The following TUBA1C variants were observed in gnomAD, a reference collection of about 807,000 sequenced individuals.
TUBA1C encodes tubulin alpha-1C chain.
A neutral mutation model predicts 34.9 loss-of-function variants in TUBA1C; 16 were observed. The observed-to-expected ratio is 0.46, with a 90% CI of 0.31 to 0.70. The LOEUF (loss-of-function observed/expected upper bound fraction) is 0.70, where lower values mean the gene tolerates loss of function less well. Ranked by LOEUF, TUBA1C falls within the 30% of genes least tolerant of loss-of-function variation. The pLI is 0.05. For synonymous variants in TUBA1C, 177 were observed against 215.9 expected (o/e 0.82, Z 1.58); for missense variants, 329 against 587.3 (o/e 0.56, Z 4.55).
At chr12:49,235,903 TCCACCGGCCCA>T (rs995775735) in intron 1 of TUBA1C, among the ~76,000 whole-genome samples, 3 of 152,278 alleles carry the variant, frequency 2.0e-5, no homozygotes, top group African/African-American at 7.2e-5. Flanking sequence ...TTTAATTTCC[TCCACCGGCCCA>T]CGGGCACAGG....
At chr12:49,252,775 T>C (rs914114664) in intron 1 of TUBA1C, among the ~76,000 whole-genome samples, 2 of 152,154 alleles carry the variant, frequency 1.3e-5, no homozygotes, top group East Asian at 1.9e-4. Flanking sequence ...TAGCCAGGCA[T>C]GGTGGCGGGC....
chr12:49,256,922 G>A (rs1232648951), intron 1 of TUBA1C, among the ~76,000 whole-genome samples: 2 of 152,152 alleles, frequency 1.3e-5, no homozygotes, highest in Non-Finnish European at 2.9e-5. Context: ...GTTCACGCCT[G>A]TAATCCTAAC....
intron 1 of TUBA1C, among the ~76,000 whole-genome samples, chr12:49,231,682 TGATAGATA>T (rs202021700): frequency 2.0e-5 from 3 of 151,652 alleles, no homozygotes; most frequent in Non-Finnish European, 4.4e-5. Flanking sequence ...AAAAAATAGA[TGATAGATA>T]GATAGATAGA....
At chr12:49,261,909 T>C (rs544683700), upstream of TUBA1C, among the ~76,000 whole-genome samples, 124 of 152,290 alleles carry the variant, frequency 8.1e-4, 3 homozygotes, top group South Asian at 0.025. Flanking sequence ...TAATTATTTA[T>C]CTAATGTTCT....
chr12:49,245,196 G>A (rs1043978297), intron 1 of TUBA1C, among the ~76,000 whole-genome samples: 1 of 152,092 alleles, frequency 6.6e-6, no homozygotes, highest in South Asian at 2.1e-4. Flanking sequence ...TCCAGCTATG[G>A]CAGTGTGAAG....
upstream of TUBA1C, among the ~76,000 whole-genome samples, chr12:49,263,152 T>C (rs11168942): frequency 0.018 from 2,788 of 151,710 alleles, 76 homozygotes; most frequent in East Asian, 0.064. Context: ...TCCCGAGTAG[T>C]TGGGATTACA....
chr12:49,235,264 A>AG (rs1012632656), intron 1 of TUBA1C, among the ~76,000 whole-genome samples: 3 of 151,978 alleles, frequency 2.0e-5, no homozygotes, highest in Non-Finnish European at 4.4e-5. Context: ...AAAAAAAAAA[A>AG]AAATTCCCCT....
rs1943024565 is a variant in TUBA1C, at chr12:49,273,543, AC to A, written c.*318del. On this transcript the variant is annotated 3_prime_UTR_variant, in exon 4 of 4. Transcript: ENST00000301072. ...TAGCTGGGGACTGCAGGTGCACACC[AC>A]CATGCCCAGCTATTTTTATTTCTTG... The A allele has an allele frequency of 4.9e-6, 2 of 408,832 alleles. No homozygotes were observed. Among genetic ancestry groups the A allele is most frequent in the Non-Finnish European group, 9.1e-6 (2 of 218,634 alleles). 25.3% of individuals were successfully genotyped at this position (408,832 alleles called of 1,614,324 possible). A position where few individuals can be genotyped will look rare whatever the true frequency, so the allele number is the denominator to read the frequency against.
Position 49,245,298 on chromosome 12 carries a change from G to T in TUBA1C, c.213+17132G>T, listed in dbSNP as rs536723856. ...CTGGCACTCTGAAAATTGACCAAAGGCATGTAATAATCTGAGAAACAGCCA... is the reference window on the plus strand; with the variant it reads ...CTGGCACTCTGAAAATTGACCAAAGTCATGTAATAATCTGAGAAACAGCCA... On this transcript the variant is annotated intron_variant, in intron 1 of 3. Coordinates refer to the TUBA1C transcript ENST00000541364. Among the ~76,000 whole-genome samples, 7 of 152,200 alleles carry T rather than the reference G, an allele frequency of 4.6e-5. No homozygotes were observed. The East Asian group carries it at 7.7e-4, about 17-fold the overall frequency.
At chr12:49,254,888 A>T (rs1298348955) in intron 1 of TUBA1C, among the ~76,000 whole-genome samples, 1 of 152,148 alleles carries the variant, frequency 6.6e-6, no homozygotes, top group Non-Finnish European at 1.5e-5. Flanking sequence ...TCACCCAGGA[A>T]GTTCCAAGGA....
rs547044185 is a variant in TUBA1C at position 49,269,808 on chromosome 12, T to C, written c.227-20T>C. 1 of 1,613,324 alleles carries C rather than the reference T, an allele frequency of 6.2e-7. No individual in the cohort carries two copies. Among genetic ancestry groups the C allele is most frequent in the Admixed American group, 1.7e-5 (1 of 59,898 alleles). On this transcript the variant is annotated intron_variant, in intron 2 of 3. Coordinates refer to ENST00000301072, the MANE Select transcript of TUBA1C (RefSeq NM_032704.5). ...CCCCGCTCCTTGTCCCTCCTCCTCC[T>C]CCCCCATCATGTTCTCCAGATGAAG...
In TUBA1C at chr12:49,273,151, T is replaced by G. The variant is rs754944004; in HGVS notation, c.1274T>G (p.Met425Arg). The G allele has an allele frequency of 8.1e-6, 13 of 1,614,076 alleles. No homozygotes were observed. Residue 425 changes from methionine to arginine, a missense_variant, in exon 4 of 4, where the codon ATG becomes AGG. Met to Arg is a moderately conservative substitution (Grantham distance 91). Transcript: ENST00000301072. ...EGEFSEARED[M>R]AALEKDYEEV... is the part of the protein sequence containing the mutation. ...GAGTTTTCAGAGGCCCGTGAGGACA[T>G]GGCTGCCCTTGAGAAGGATTATGAG...
chr12:49,269,751 G>A, intron 2 of TUBA1C, 64 bp downstream of exon 2: 1 of 1,613,294 alleles, frequency 6.2e-7, no homozygotes, highest in Non-Finnish European at 8.5e-7. Flanking sequence ...CTGTCCTGGG[G>A]GGGCTCCGCT....
chr12:49,256,857 T>C (rs1942789162), intron 1 of TUBA1C, among the ~76,000 whole-genome samples: 1 of 152,068 alleles, frequency 6.6e-6, no homozygotes, highest in African/African-American at 2.4e-5. Context: ...GATATAAAAG[T>C]GGTTCTATAT....
intron 1 of TUBA1C, among the ~76,000 whole-genome samples, chr12:49,257,399 G>A (rs1416879017): frequency 6.6e-6 from 1 of 152,106 alleles, no homozygotes; most frequent in East Asian, 1.9e-4. Flanking sequence ...CCTCAGTCCA[G>A]GGATGAACAC....
At chr12:49,239,824 A>G (rs1260529261) in intron 1 of TUBA1C, among the ~76,000 whole-genome samples, 1 of 152,072 alleles carries the variant, frequency 6.6e-6, no homozygotes, top group African/African-American at 2.4e-5. Context: ...ACAAATCAGC[A>G]CTGAATATTG....
chr12:49,232,762 A>T (rs1942510501), intron 1 of TUBA1C: 1 of 152,168 alleles, frequency 6.6e-6, no homozygotes, highest in Non-Finnish European at 1.5e-5. Context: ...TTTTGGGGTT[A>T]AGTACAATCC....
upstream of TUBA1C, chr12:49,264,992 C>A (rs1942884396): frequency 1.3e-6 from 1 of 797,828 alleles, no homozygotes; most frequent in Non-Finnish European, 1.7e-6. Flanking sequence ...GGTGGGGCCG[C>A]AGCGGCACGG....
chr12:49,253,235 T>TG (rs1337537290), intron 1 of TUBA1C, among the ~76,000 whole-genome samples: 1 of 152,124 alleles, frequency 6.6e-6, no homozygotes, highest in African/African-American at 2.4e-5. Context: ...CAGCCATGCC[T>TG]GCAGGCATGG....
Sources: allele counts gnomAD v4.1 joint callset (sites outside exome capture counted in the v4.1 genomes callset), GRCh38; gene constraint gnomAD v4.1.1; transcripts MANE v1.5; gene names NCBI Gene and HGNC (gene_info 2026-07-23, HGNC 2026-07-21).